Variants in RYR3 observed in about 807,000 individuals in gnomAD.
The protein encoded by RYR3 is ryanodine receptor 3.
Under a neutral mutation model 584.3 loss-of-function variants are expected in RYR3, and 207 were observed. The observed-to-expected ratio is 0.35, with a 90% CI of 0.32 to 0.40. The LOEUF (loss-of-function observed/expected upper bound fraction) is 0.40, where lower values mean the gene tolerates loss of function less well. Ranked by LOEUF, RYR3 falls within the 10% of genes least tolerant of loss-of-function variation. The pLI is 1.00. For synonymous variants in RYR3, 2,416 were observed against 2,248.5 expected, an observed-to-expected ratio of 1.07 and a Z score of -2.11; for missense variants, 5,616 against 6,089.2, an observed-to-expected ratio of 0.92 and a Z score of 2.59.
At chr15:33,455,669 A>G (rs901659008) in intron 1 of RYR3, among the ~76,000 whole-genome samples, 4 of 152,222 alleles carry the variant, frequency 2.6e-5, no homozygotes, top group South Asian at 2.1e-4. Flanking sequence ...GGAACAGACA[A>G]TATCACACAT....
chr15:33,616,137 G>C (rs1019431993), intron 19 of RYR3, among the ~76,000 whole-genome samples: 2 of 152,064 alleles, frequency 1.3e-5, no homozygotes, highest in African/African-American at 4.8e-5. Flanking sequence ...ATTTTCAAAG[G>C]GAGTACACCT....
chr15:33,484,774 A>G (rs552960381), intron 2 of RYR3, among the ~76,000 whole-genome samples: 19 of 152,268 alleles, frequency 1.2e-4, no homozygotes, highest in African/African-American at 3.6e-4. Flanking sequence ...AGGAAGACAG[A>G]GGGAGGAGAT....
chr15:33,589,139 A>G (rs2059001448), intron 16 of RYR3, among the ~76,000 whole-genome samples: 1 of 152,106 alleles, frequency 6.6e-6, no homozygotes, highest in Admixed American at 6.6e-5. Context: ...TAATCTTTTC[A>G]ATAATGGCCA....
chr15:33,518,093 G>T (rs1279585253), intron 3 of RYR3, among the ~76,000 whole-genome samples: 1 of 152,130 alleles, frequency 6.6e-6, no homozygotes, highest in Non-Finnish European at 1.5e-5. Context: ...GATTTATATA[G>T]CCTGCCTTGG....
intron 1 of RYR3, among the ~76,000 whole-genome samples, chr15:33,414,947 T>G (rs1567191917): frequency 6.6e-6 from 1 of 152,186 alleles, no homozygotes; most frequent in Non-Finnish European, 1.5e-5. Flanking sequence ...TTGTGCCTGA[T>G]AACTTCTGGG....
In RYR3 at chr15:33,859,728, C is replaced by G; in HGVS notation, c.14296C>G (p.Gln4766Glu). The G allele has an allele frequency of 6.2e-7, 1 of 1,606,542 alleles. No homozygotes were observed. Among genetic ancestry groups the G allele is most frequent in the African/African-American group, 1.3e-5 (1 of 74,996 alleles). ...FVIVILLAII[Q>E]GLIIDAFGEL... ...CATTGTCATCTTGCTGGCCATCATT[C>G]AAGGTATGATTGCCAATTGTGTTGA... is the stretch of plus-strand genomic sequence containing the variant. The change falls in exon 100 of 104, where the codon CAA (glutamine) becomes GAA (glutamate). Residue 4766 changes from glutamine to glutamate, a missense_variant. Physicochemically the swap from Gln to Glu is conservative, Grantham distance 29. This residue lies in a region of RYR3 where 918 missense variants were observed against 887.4 expected (regional missense o/e 1.03). Coordinates refer to ENST00000634891, the MANE Select transcript of RYR3 (RefSeq NM_001036.6).
intron 1 of RYR3, among the ~76,000 whole-genome samples, chr15:33,428,832 G>C (rs2044874903): frequency 6.6e-6 from 1 of 152,036 alleles, no homozygotes; most frequent in Admixed American, 6.6e-5. Flanking sequence ...AATTGTATAG[G>C]GTACCACATT....
chr15:33,823,098 A>G lies in RYR3; in HGVS notation c.11072+26A>G, dbSNP rs770651224. ...GTAAATGCGGGAAAACTACCATAGC[A>G]TTTAAAAAACTCTTCCCTCTAAGCA... On this transcript the variant is annotated intron_variant, in intron 81 of 103. Coordinates refer to ENST00000634891, the MANE Select transcript of RYR3 (RefSeq NM_001036.6). 22 of 1,597,258 alleles carry G rather than the reference A, an allele frequency of 1.4e-5. 1 individual carries two copies. The Middle Eastern group carries it at 1.0e-3, about 72-fold the overall frequency.
intron 13 of RYR3, 87 bp downstream of exon 13, chr15:33,580,231 A>G (rs1025676821): frequency 3.6e-6 from 4 of 1,115,496 alleles, no homozygotes; most frequent in Non-Finnish European, 3.8e-6. Flanking sequence ...GTCTTTCTGC[A>G]TGCACGTGTT....
At chr15:33,590,138 A>G (rs1375666704) in intron 16 of RYR3, among the ~76,000 whole-genome samples, 1 of 152,222 alleles carries the variant, frequency 6.6e-6, no homozygotes, top group African/African-American at 2.4e-5. Flanking sequence ...AGCTAGGAGA[A>G]GGAATTTCAC....
In RYR3 at chr15:33,755,059, A is replaced by C; in HGVS notation, c.8400-6A>C. 6.4e-7 allele frequency: 1 copy of C among 1,569,432 alleles called. No homozygotes were observed. The highest frequency in any genetic ancestry group is 8.8e-7 in the Non-Finnish European group (1 of 1,140,544). Reference sequence around the variant, plus strand: ...ACTTCCTGGGGTCTGTCCATGTCCAACGTAGGGGTATGAAGGATATGGAGC... The same window carrying C: ...ACTTCCTGGGGTCTGTCCATGTCCACCGTAGGGGTATGAAGGATATGGAGC... On this transcript the variant is annotated splice_region_variant and splice_polypyrimidine_tract_variant and intron_variant, in intron 57 of 103. Coordinates refer to ENST00000634891, the MANE Select transcript of RYR3 (RefSeq NM_001036.6).
At chr15:33,657,534 G>A (rs186530838) in intron 32 of RYR3, among the ~76,000 whole-genome samples, 4 of 152,182 alleles carry the variant, frequency 2.6e-5, no homozygotes, top group African/African-American at 9.7e-5. Context: ...GCCCAGGGAC[G>A]ACTCCTGCCT....
In RYR3 at chr15:33,830,855, C is replaced by T. The variant is rs886716578; in HGVS notation, c.11335-108C>T. The T allele has an allele frequency of 3.4e-6, 4 of 1,175,910 alleles. No homozygotes were observed. The African/African-American group carries it at 6.1e-5, about 18-fold the overall frequency. 72.8% of individuals were successfully genotyped at this position (1,175,910 alleles called of 1,614,324 possible). ...ACAGGGTCCCTGGCTCCTGTCAGAG[C>T]AAAGAGGTCATAGAGATGCAGGATT... On this transcript the variant is annotated intron_variant, in intron 85 of 103. Transcript: ENST00000634891.
In RYR3 at chr15:33,417,130, T is replaced by C. The variant is rs140761901; in HGVS notation, c.52-56289T>C. Among the ~76,000 whole-genome samples the C allele has an allele frequency of 1.6e-3, 244 of 152,278 alleles. 3 individuals carry two copies. Among genetic ancestry groups the C allele is most frequent in the African/African-American group, 5.6e-3 (233 of 41,572 alleles). On this transcript the variant is annotated intron_variant, in intron 1 of 103. Transcript: ENST00000634891. ...GTTTGAAGTCAGATAATGTGATGTC[T>C]CCAGCTTTTTTCTTTTTGCTTAGGC...
In RYR3 at chr15:33,862,434, T is replaced by C. The variant is rs553247382; in HGVS notation, c.14465+1256T>C. 6.6e-5 allele frequency among the ~76,000 whole-genome samples: 10 copies of C among 152,096 alleles called. No homozygotes were observed. In the South Asian group the frequency reaches 1.9e-3, roughly 28 times the overall value. ...ATTGCCCAGGCTGATCTCGAACTCCTGAGCTCAAGCTATCCACCCACCTTG... is the reference window on the plus strand; with the variant it reads ...ATTGCCCAGGCTGATCTCGAACTCCCGAGCTCAAGCTATCCACCCACCTTG... On this transcript the variant is annotated intron_variant, in intron 102 of 103. Coordinates refer to ENST00000634891, the MANE Select transcript of RYR3 (RefSeq NM_001036.6).
At chr15:33,663,819 G>T in intron 36 of RYR3, 82 bp downstream of exon 36, 2 of 1,213,340 alleles carry the variant, frequency 1.6e-6, no homozygotes, top group East Asian at 5.1e-5. Flanking sequence ...AACCTCTATG[G>T]TCTCTGGGGC....
intron 19 of RYR3, among the ~76,000 whole-genome samples, chr15:33,616,233 A>C (rs2060443408): frequency 6.6e-6 from 1 of 152,232 alleles, no homozygotes; most frequent in African/African-American, 2.4e-5. Context: ...CTAGCTAATG[A>C]ACTTTTCCAC....
At position 33,662,813 on chromosome 15, in the gene RYR3, G is replaced by C. The variant is rs544434268; in HGVS notation, c.5283G>C (p.Gly1761=). The C allele has an allele frequency of 6.2e-7, 1 of 1,613,960 alleles. No individual in the cohort carries two copies. Among genetic ancestry groups the C allele is most frequent in the Admixed American group, 1.7e-5 (1 of 60,022 alleles). ...DPSVFGEHSA[G]TEEGAEKEEV... is the part of the protein sequence containing the mutation. ...CTGTGTTTGGGGAGCATAGTGCGGG[G>C]ACAGAGGAGGGAGCAGAAAAGGAGG... Residue 1761 remains glycine, a synonymous_variant, in exon 35 of 104, where the codon GGG becomes GGC. Transcript: ENST00000634891.
chr15:33,312,333 T>C (rs1251799426), intron 1 of RYR3, among the ~76,000 whole-genome samples: 1 of 151,024 alleles, frequency 6.6e-6, no homozygotes, highest in Non-Finnish European at 1.5e-5. Flanking sequence ...CAGTTTCTCT[T>C]CCAAACATGG....
Sources: gnomAD v4.1 joint callset for allele counts (sites outside exome capture counted in the v4.1 genomes callset) on GRCh38, gnomAD v4.1.1 for gene constraint, gnomAD v4.1.1 regional missense constraint, MANE v1.5 for transcripts, NCBI Gene and HGNC (gene_info 2026-07-23, HGNC 2026-07-21) for gene names.